PCDHGA7: variants seen among roughly 807,000 people sequenced by gnomAD.
PCDHGA7 encodes protocadherin gamma-A7.
PCDHGA7 carries 44 observed loss-of-function variants against 58.3 expected under a neutral mutation model. The ratio of observed to expected loss-of-function variants is 0.75; its 90% CI spans 0.59 to 0.97. The LOEUF (loss-of-function observed/expected upper bound fraction) is 0.97. PCDHGA7 is among the 50% of genes least tolerant of loss of function. PCDHGA7 has a pLI of 0.00. For synonymous variants in PCDHGA7, 516 were observed against 504.2 expected (o/e 1.02, Z -0.31); for missense variants, 1,266 against 1,188.7 (o/e 1.06, Z -0.96).
At chr5:141,442,129 G>T in intron 1 of PCDHGA7, 1 of 165,104 alleles carries the variant, frequency 6.1e-6, no homozygotes, top group Non-Finnish European at 1.3e-5. Flanking sequence ...CCGACAGCCT[G>T]CAGGAGACTC....
chr5:141,440,693 C>T (rs2098194597), intron 1 of PCDHGA7: 1 of 152,136 alleles, frequency 6.6e-6, no homozygotes, highest in Non-Finnish European at 1.5e-5. Context: ...GTAAAAGTGA[C>T]CAACAGTGGA....
chr5:141,466,195 C>G (rs1269214888), intron 1 of PCDHGA7, among the ~76,000 whole-genome samples: 1 of 151,748 alleles, frequency 6.6e-6, no homozygotes, highest in Non-Finnish European at 1.5e-5. Flanking sequence ...TTTTCAGACA[C>G]AGCCTTGCTC....
Position 141,431,054 on chromosome 5 carries a change from G to T in PCDHGA7, c.2424+45731G>T. 6.2e-7 allele frequency: 1 copy of T among 1,614,198 alleles called. No individual in the cohort carries two copies. The highest frequency in any genetic ancestry group is 8.5e-7 in the Non-Finnish European group (1 of 1,180,004). ...AGACCGGGAGGAGCTCTGTATGGGG[G>T]CCATCAAGTGTCAATTAAATCTAGA... On this transcript the variant is annotated intron_variant, in intron 1 of 3. Transcript: ENST00000518325. This position sits in a 1 kb window ranked among gnomAD's most constrained non-coding sequence, Gnocchi z 4.8.
At chr5:141,418,572 A>G (rs777784393) in intron 1 of PCDHGA7, 5 of 1,613,794 alleles carry the variant, frequency 3.1e-6, no homozygotes, top group Non-Finnish European at 4.2e-6. Flanking sequence ...GCCAATGACA[A>G]CCCCCCAGTG....
chr5:141,392,976 G>T (rs892304367), intron 1 of PCDHGA7: 1 of 1,613,866 alleles, frequency 6.2e-7, no homozygotes, highest in South Asian at 1.1e-5. Flanking sequence ...CCTGGGGCTG[G>T]ACCCCCGGAA....
At chr5:141,401,861 G>T (rs934405271) in intron 1 of PCDHGA7, among the ~76,000 whole-genome samples, 1 of 152,122 alleles carries the variant, frequency 6.6e-6, no homozygotes, top group African/African-American at 2.4e-5. Flanking sequence ...TAACCTTTCA[G>T]TAGTTTTCTT....
rs572282329 is a variant in PCDHGA7 at position 141,388,648 on chromosome 5, T to A, written c.2424+3325T>A. On this transcript the variant is annotated intron_variant, in intron 1 of 3. Coordinates refer to ENST00000518325, the MANE Select transcript of PCDHGA7 (RefSeq NM_018920.4). ...TACAGGGTGAGCCTTTCAGAAAACG[T>A]GTACCCGGGGACCACGGTGCTACAG... is the stretch of plus-strand genomic sequence containing the variant. 5 of 1,613,938 alleles carry A rather than the reference T, an allele frequency of 3.1e-6. No homozygotes were observed. The East Asian group carries it at 8.9e-5, about 29-fold the overall frequency.
intron 1 of PCDHGA7, chr5:141,395,898 GC>G (rs1337402820): frequency 6.6e-6 from 1 of 151,994 alleles, no homozygotes; most frequent in Non-Finnish European, 1.5e-5. Context: ...TGGGCTCCAT[GC>G]CCATGGAGAC....
At chr5:141,447,824 G>A (rs926580893) in intron 1 of PCDHGA7, among the ~76,000 whole-genome samples, 7 of 152,034 alleles carry the variant, frequency 4.6e-5, no homozygotes, top group Admixed American at 1.3e-4. Flanking sequence ...GGTGGCTCAC[G>A]CCTGTAATCC....
At chr5:141,484,071 T>C (rs1405337642) in intron 1 of PCDHGA7, among the ~76,000 whole-genome samples, 1 of 152,144 alleles carries the variant, frequency 6.6e-6, no homozygotes, top group Non-Finnish European at 1.5e-5. Flanking sequence ...GTGAAAAGCT[T>C]GCTCTTTTGA....
intron 1 of PCDHGA7, chr5:141,415,910 A>G: frequency 1.3e-6 from 1 of 757,484 alleles, no homozygotes; most frequent in Non-Finnish European, 1.8e-6. Context: ...ACTTCCATAC[A>G]GAAGTGCCTG....
chr5:141,491,702 T>A lies in PCDHGA7; in HGVS notation c.2425-3105T>A. The A allele has an allele frequency of 6.2e-7, 1 of 1,611,514 alleles. No homozygotes were observed. Among genetic ancestry groups the A allele is most frequent in the Non-Finnish European group, 8.5e-7 (1 of 1,178,984 alleles). ...AATACGCTGCGGGAGCGGAGCCAGG[T>A]GAGGGGCTCGGCGCCGCCCCGGGCG... On this transcript the variant is annotated intron_variant, in intron 1 of 3. Coordinates refer to ENST00000518325, the MANE Select transcript of PCDHGA7 (RefSeq NM_018920.4). The surrounding 1 kb of genome is among the most constrained non-coding windows in gnomAD (Gnocchi z 6.9).
Position 141,431,529 on chromosome 5 carries a change from T to G in PCDHGA7, c.2424+46206T>G, listed in dbSNP as rs145601545. The G allele has an allele frequency of 2.5e-6, 4 of 1,614,074 alleles. No homozygotes were observed. The highest frequency in any genetic ancestry group is 3.4e-6 in the Non-Finnish European group (4 of 1,180,030). ...GCGAGCGTTCCGGAGAATCTGGCCT[T>G]GGGCACGCAGCTGCTTGTAGTCAAC... On this transcript the variant is annotated intron_variant, in intron 1 of 3. Coordinates refer to ENST00000518325, the MANE Select transcript of PCDHGA7 (RefSeq NM_018920.4). The surrounding 1 kb of genome is among the most constrained non-coding windows in gnomAD (Gnocchi z 4.8).
At chr5:141,495,104 G>C (rs552664771) in intron 2 of PCDHGA7, among the ~76,000 whole-genome samples, 16 of 152,194 alleles carry the variant, frequency 1.1e-4, no homozygotes, top group Admixed American at 8.5e-4. Flanking sequence ...CGCCACGACC[G>C]GCACCTTTTC....
At chr5:141,441,744 G>A (rs913393900) in intron 1 of PCDHGA7, 7 of 366,408 alleles carry the variant, frequency 1.9e-5, no homozygotes, top group African/African-American at 1.1e-4. Context: ...GCTCGCGCTC[G>A]GCGTCAACGT....
chr5:141,382,816 TA>T lies in PCDHGA7; in HGVS notation c.-82del. On this transcript the variant is annotated 5_prime_UTR_variant, in exon 1 of 4. Transcript: ENST00000518325. ...CTGCTGGATTCTGAGCTCCCCTTCCTAAGACAGAGGGGTCCACCCGGATACA... is the reference window on the plus strand; with the variant it reads ...CTGCTGGATTCTGAGCTCCCCTTCCTAGACAGAGGGGTCCACCCGGATACA... The T allele has an allele frequency of 1.6e-6, 2 of 1,275,446 alleles. No homozygotes were observed. Among genetic ancestry groups the T allele is most frequent in the Non-Finnish European group, 2.2e-6 (2 of 919,198 alleles). The allele number at this position is 1,275,446 out of a possible 1,614,324, so 79.0% of individuals were successfully genotyped here.
At chr5:141,408,002 T>A in intron 1 of PCDHGA7, 1 of 908,258 alleles carries the variant, frequency 1.1e-6, no homozygotes, top group Non-Finnish European at 1.6e-6. Flanking sequence ...GGCCTGGGAT[T>A]CCCTGCGCAG....
intron 1 of PCDHGA7, among the ~76,000 whole-genome samples, chr5:141,402,737 G>T (rs948478466): frequency 3.9e-5 from 6 of 152,276 alleles, no homozygotes; most frequent in East Asian, 1.9e-4. Context: ...CGCCGCTGTT[G>T]ATCAACTCTA....
At position 141,490,840 on chromosome 5, in the gene PCDHGA7, G is replaced by C. The variant is rs1177428192; in HGVS notation, c.2425-3967G>C. On this transcript the variant is annotated intron_variant, in intron 1 of 3. Transcript: ENST00000518325. This position sits in a 1 kb window ranked among gnomAD's most constrained non-coding sequence, Gnocchi z 5.4. Reference sequence around the variant, plus strand: ...ATTGCTGCAGATGCTGCAGATTGTGGTGGGGGTTCGAGACTCCGGCTCTCC... The same window carrying C: ...ATTGCTGCAGATGCTGCAGATTGTGCTGGGGGTTCGAGACTCCGGCTCTCC... 2 of 1,613,900 alleles carry C rather than the reference G, an allele frequency of 1.2e-6. No homozygotes were observed. Among genetic ancestry groups the C allele is most frequent in the Middle Eastern group, 3.3e-4 (2 of 6,058 alleles).
Sources: gnomAD v4.1 joint callset for allele counts (sites outside exome capture counted in the v4.1 genomes callset) on GRCh38, gnomAD v4.1.1 for gene constraint, Gnocchi (gnomAD v3.1) non-coding constraint, MANE v1.5 for transcripts, NCBI Gene and HGNC (gene_info 2026-07-23, HGNC 2026-07-21) for gene names.